The following ATP10B variants were observed in gnomAD, a reference collection of about 807,000 sequenced individuals.
ATP10B encodes the protein phospholipid-transporting ATPase VB.
Under a neutral mutation model 141.2 loss-of-function variants are expected in ATP10B, and 122 were observed. That is an observed-to-expected ratio of 0.86 (90% confidence interval 0.75 to 1.00). ATP10B has a LOEUF of 1.00. Among genes scored for constraint, ATP10B ranks in the 50% least tolerant of loss-of-function variants. The probability of loss-of-function intolerance (pLI) is 0.00; values close to 1 mark genes in which losing one functional copy is unlikely to be tolerated. For synonymous variants in ATP10B, 685 were observed against 692.0 expected (o/e 0.99, Z 0.16); for missense variants, 1,876 against 1,825.3 (o/e 1.03, Z -0.51).
intron 6 of ATP10B, among the ~76,000 whole-genome samples, chr5:160,682,642 A>G (rs1421688786): frequency 6.6e-6 from 1 of 152,134 alleles, no homozygotes; most frequent in Non-Finnish European, 1.5e-5. Flanking sequence ...TTCCTCCCTG[A>G]GGCACCAGCT....
the ATP10B span, among the ~76,000 whole-genome samples, chr5:160,893,559 A>G: frequency 6.6e-6 from 1 of 152,182 alleles, no homozygotes; most frequent in Non-Finnish European, 1.5e-5. Context: ...AAGAGCTTAT[A>G]GATAAAACTC....
intron 1 of ATP10B, among the ~76,000 whole-genome samples, chr5:160,830,662 ATTT>A (rs372642494): frequency 1.3e-5 from 2 of 149,880 alleles, no homozygotes; most frequent in African/African-American, 4.9e-5. Context: ...GAAACTCTGG[ATTT>A]TTTTTTTAAG....
intron 3 of ATP10B, among the ~76,000 whole-genome samples, chr5:160,701,735 C>A (rs966315185): frequency 2.0e-5 from 3 of 151,926 alleles, no homozygotes; most frequent in African/African-American, 7.3e-5. Flanking sequence ...AACAGTCACC[C>A]CTCTGCCCCA....
intron 1 of ATP10B, among the ~76,000 whole-genome samples, chr5:160,803,678 AAAAAT>A (rs771982611): frequency 1.3e-5 from 2 of 152,178 alleles, no homozygotes; most frequent in Non-Finnish European, 2.9e-5. Flanking sequence ...TCCATCTCAA[AAAAAT>A]AAAATAAATA....
chr5:160,855,807 T>C (rs770334962), upstream of ATP10B, among the ~76,000 whole-genome samples: 20 of 151,920 alleles, frequency 1.3e-4, no homozygotes, highest in South Asian at 6.2e-4. Context: ...GTGTGTTTAT[T>C]TGGATTTTCA....
At chr5:160,896,791 C>T in the ATP10B span, among the ~76,000 whole-genome samples, 1 of 152,160 alleles carries the variant, frequency 6.6e-6, no homozygotes, top group Non-Finnish European at 1.5e-5. Context: ...TGAAAATCCT[C>T]AATAAAATAC....
At position 160,664,117 on chromosome 5, in the gene ATP10B, T is replaced by C. The variant is rs116398075; in HGVS notation, c.675+6346A>G. Reference sequence around the variant, plus strand: ...TGATCTGTGCTCAACATTTAAGCACTGATCAACAGGTAGAAAGCACTAAGT... The same window carrying C: ...TGATCTGTGCTCAACATTTAAGCACCGATCAACAGGTAGAAAGCACTAAGT... On this transcript the variant is annotated intron_variant, in intron 7 of 25. Coordinates refer to ENST00000327245, the MANE Select transcript of ATP10B (RefSeq NM_025153.3). Among the ~76,000 whole-genome samples the C allele has an allele frequency of 5.2e-3, 791 of 152,300 alleles. 3 individuals carry two copies. The highest frequency in any genetic ancestry group is 0.018 in the African/African-American group (737 of 41,546).
intron 2 of ATP10B, among the ~76,000 whole-genome samples, chr5:160,767,646 CA>C (rs75002216): frequency 1.5e-5 from 2 of 132,632 alleles, no homozygotes; most frequent in African/African-American, 5.2e-5. Context: ...CCCCCCCCCC[CA>C]AAATAACAGG....
chr5:160,655,616 C>T (rs903654472), intron 7 of ATP10B, among the ~76,000 whole-genome samples: 2 of 152,056 alleles, frequency 1.3e-5, no homozygotes, highest in African/African-American at 4.8e-5. Context: ...TGACTCATGC[C>T]GTAGAAAAAG....
At chr5:160,786,285 T>C (rs12518659) in intron 1 of ATP10B, among the ~76,000 whole-genome samples, 15,394 of 152,210 alleles carry the variant, frequency 0.1, 898 homozygotes, top group Middle Eastern at 0.13. Context: ...ACTGCAGTTT[T>C]GAGTGAGAGG....
chr5:160,591,008 A>G lies in ATP10B; in HGVS notation c.3645+51T>C, dbSNP rs565298749. 3 of 1,470,310 alleles carry G rather than the reference A, an allele frequency of 2.0e-6. No homozygotes were observed. The East Asian group carries it at 6.9e-5, about 34-fold the overall frequency. The allele number at this position is 1,470,310 out of a possible 1,614,324, so 91.1% of individuals were successfully genotyped here. Reference sequence around the variant, plus strand: ...TGGTCTGGAACTTTATATAAAAAGGACCAGTTCTTCTCTGCAATTTATGTG... The same window carrying G: ...TGGTCTGGAACTTTATATAAAAAGGGCCAGTTCTTCTCTGCAATTTATGTG... On this transcript the variant is annotated intron_variant, in intron 23 of 25. Transcript: ENST00000327245.
At chr5:160,912,135 T>A in the ATP10B span, among the ~76,000 whole-genome samples, 1 of 152,170 alleles carries the variant, frequency 6.6e-6, no homozygotes, top group African/African-American at 2.4e-5. Flanking sequence ...GCAGAACTTT[T>A]GTATTCAGTA....
the ATP10B span, among the ~76,000 whole-genome samples, chr5:160,902,933 G>T: frequency 1.3e-5 from 2 of 152,206 alleles, no homozygotes; most frequent in Non-Finnish European, 2.9e-5. Context: ...CAGAGGATGA[G>T]CCTACCTGTG....
intron 2 of ATP10B, among the ~76,000 whole-genome samples, chr5:160,759,189 A>G (rs2127836237): frequency 1.3e-5 from 2 of 152,304 alleles, no homozygotes; most frequent in Middle Eastern, 6.8e-3. Flanking sequence ...AATTTGCCTT[A>G]TTATCTGACT....
chr5:160,604,061 G>A lies in ATP10B; in HGVS notation c.3161-20C>T, dbSNP rs201841584. On this transcript the variant is annotated intron_variant, in intron 19 of 25. Coordinates refer to ENST00000327245, the MANE Select transcript of ATP10B (RefSeq NM_025153.3). ...CATCACCTGAAAGAGAGGTCATAAC[G>A]TGTCTTTATTTTTGGTCCAACTGCT... is the stretch of plus-strand genomic sequence containing the variant. 3.9e-5 allele frequency: 63 copies of A among 1,606,078 alleles called. No individual in the cohort carries two copies. Among genetic ancestry groups the A allele is most frequent in the African/African-American group, 3.2e-4 (24 of 74,808 alleles).
Position 160,606,920 on chromosome 5 carries a change from G to A in ATP10B, c.3005C>T (p.Thr1002Ile), listed in dbSNP as rs774733207. 1 of 1,614,076 alleles carries A rather than the reference G, an allele frequency of 6.2e-7. No individual in the cohort carries two copies. The change falls in exon 19 of 26, where the codon ACA becomes ATA. Residue 1002 changes from threonine to isoleucine, a missense_variant. Thr to Ile is a moderately conservative substitution (Grantham distance 89). Coordinates refer to ENST00000327245, the MANE Select transcript of ATP10B (RefSeq NM_025153.3). ...CTTTCCCTGGAAGATGGCATTCAAT[G>A]TCTTCCCATCGATGACCAATCCAGC... ...PEAGLVIDGKTLNAIFQGKLE... is the reference protein window; with the variant it reads ...PEAGLVIDGKILNAIFQGKLE...
At chr5:160,865,802 A>T in the ATP10B span, among the ~76,000 whole-genome samples, 1 of 152,288 alleles carries the variant, frequency 6.6e-6, no homozygotes, top group East Asian at 1.9e-4. Context: ...ACAGCCAACA[A>T]ACATTAAAAA....
intron 1 of ATP10B, among the ~76,000 whole-genome samples, chr5:160,824,568 C>T (rs1475678983): frequency 6.6e-6 from 1 of 152,140 alleles, no homozygotes; most frequent in African/African-American, 2.4e-5. Context: ...CTTGTACAAA[C>T]CTAGATGGTG....
intron 17 of ATP10B, 116 bp downstream of exon 17, chr5:160,615,722 C>G: frequency 7.4e-7 from 1 of 1,343,812 alleles, no homozygotes; most frequent in Non-Finnish European, 1.0e-6. Context: ...TGGAAGGGAA[C>G]CCCAGGGAAG....
Sources: gnomAD v4.1 joint callset for allele counts (sites outside exome capture counted in the v4.1 genomes callset) on GRCh38, gnomAD v4.1.1 for gene constraint, MANE v1.5 for transcripts, NCBI Gene and HGNC (gene_info 2026-07-23, HGNC 2026-07-21) for gene names.